The following AKAP10 variants were observed in gnomAD, a reference collection of about 807,000 sequenced individuals.
The protein encoded by AKAP10 is A-kinase anchor protein 10, mitochondrial.
In AKAP10, 24 loss-of-function variants were observed where a neutral mutation model predicts 80.8. The ratio of observed to expected loss-of-function variants is 0.30; its 90% CI spans 0.22 to 0.42. The LOEUF (loss-of-function observed/expected upper bound fraction) is 0.42, where lower values mean the gene tolerates loss of function less well. AKAP10 is among the 10% of genes least tolerant of loss of function. AKAP10 has a pLI of 1.00. For synonymous variants in AKAP10, 291 were observed against 277.7 expected (o/e 1.05, Z -0.48); for missense variants, 661 against 794.9 (o/e 0.83, Z 2.03).
At chr17:19,922,714 C>T (rs565976392) in intron 11 of AKAP10, among the ~76,000 whole-genome samples, 2 of 152,224 alleles carry the variant, frequency 1.3e-5, no homozygotes, top group South Asian at 2.1e-4. Flanking sequence ...TCCTGGCTAA[C>T]ACGGTGAAAC....
intron 4 of AKAP10, 110 bp downstream of exon 4, chr17:19,957,904 A>T: frequency 8.4e-7 from 1 of 1,183,508 alleles, no homozygotes; most frequent in Non-Finnish European, 1.2e-6. Flanking sequence ...AAGTAGTTAG[A>T]GGAGAAAAAA....
intron 4 of AKAP10, among the ~76,000 whole-genome samples, chr17:19,957,716 G>A (rs892747807): frequency 1.3e-5 from 2 of 152,132 alleles, no homozygotes; most frequent in East Asian, 3.8e-4. Flanking sequence ...ACCGAGGGAG[G>A]AAATAAGGCT....
In AKAP10 at chr17:19,919,994, T is replaced by C. The variant is rs774891866; in HGVS notation, c.1834+42A>G. On this transcript the variant is annotated intron_variant, in intron 12 of 14. Coordinates refer to ENST00000225737, the MANE Select transcript of AKAP10 (RefSeq NM_007202.4). ...TCTTTGACTTACAGTCAATCACTAA[T>C]GTGAGTAAAGGCTTAATATGAAGTA... 2.0e-6 allele frequency: 3 copies of C among 1,509,524 alleles called. No individual in the cohort carries two copies. In the Admixed American group the frequency reaches 5.2e-5, roughly 26 times the overall value. 93.5% of individuals were successfully genotyped at this position (1,509,524 alleles called of 1,614,324 possible). A position where few individuals can be genotyped will look rare whatever the true frequency, so the allele number is the denominator to read the frequency against.
chr17:19,931,451 C>T (rs560253905), intron 10 of AKAP10, among the ~76,000 whole-genome samples: 26 of 148,032 alleles, frequency 1.8e-4, no homozygotes, highest in Non-Finnish European at 2.8e-4. Flanking sequence ...AGTGCAGTGG[C>T]GTGATTTTGG....
At chr17:19,924,547 T>C (rs2042854844) in intron 10 of AKAP10, 30 bp from the exon 11 acceptor site, 2 of 1,462,728 alleles carry the variant, frequency 1.4e-6, no homozygotes, top group East Asian at 2.3e-5. Flanking sequence ...ATTAGAAGTA[T>C]ATGAAACAAT....
intron 12 of AKAP10, among the ~76,000 whole-genome samples, chr17:19,917,899 C>T (rs1214987072): frequency 6.7e-6 from 1 of 149,596 alleles, no homozygotes; most frequent in Non-Finnish European, 1.5e-5. Flanking sequence ...TAGACTCTGT[C>T]CCCCTCCCAC....
At chr17:19,931,261 G>A (rs950422761) in intron 10 of AKAP10, among the ~76,000 whole-genome samples, 2 of 152,092 alleles carry the variant, frequency 1.3e-5, no homozygotes, top group African/African-American at 4.8e-5. Context: ...GATTTATTAA[G>A]AGAAACAGCC....
rs1347379392 is a variant in AKAP10, at chr17:19,939,832, A to C, written c.1203T>G (p.Asp401Glu). The C allele has an allele frequency of 6.2e-7, 1 of 1,613,656 alleles. No individual in the cohort carries two copies. The highest frequency in any genetic ancestry group is 1.3e-5 in the African/African-American group (1 of 74,916). Residue 401 changes from aspartate (D) to glutamate (E), a missense_variant, in exon 8 of 15, where the codon GAT (aspartate) becomes GAG (glutamate). Physicochemically the swap from Asp to Glu is conservative, Grantham distance 45 (BLOSUM62 2). Coordinates refer to ENST00000225737, the MANE Select transcript of AKAP10 (RefSeq NM_007202.4). ...ACCAGAATTGTAAGATATTCACTGC[A>C]TCCTCTTTTTCCATGTACTAGGAAG... is the stretch of plus-strand genomic sequence containing the variant. ...FYFSEYMEKE[D>E]AVNILQFWLA...
At chr17:19,966,837 G>A (rs144136003) in intron 2 of AKAP10, among the ~76,000 whole-genome samples, 30 of 152,206 alleles carry the variant, frequency 2.0e-4, no homozygotes, top group African/African-American at 7.2e-4. Context: ...ACTACAGTCA[G>A]ATCTAGTCTT....
At chr17:19,934,643 T>G (rs761034960) in intron 9 of AKAP10, among the ~76,000 whole-genome samples, 2 of 152,236 alleles carry the variant, frequency 1.3e-5, no homozygotes. Context: ...ATTACCTTAC[T>G]TTAATCATCA....
chr17:19,931,790 G>C lies in AKAP10; in HGVS notation c.1641+15C>G. 1 of 1,603,686 alleles carries C rather than the reference G, an allele frequency of 6.2e-7. No homozygotes were observed. Among genetic ancestry groups the C allele is most frequent in the South Asian group, 1.1e-5 (1 of 89,224 alleles). On this transcript the variant is annotated intron_variant, in intron 10 of 14. Transcript: ENST00000225737. ...TATGCTTTTCTCCCTAATGGCAGAC[G>C]CAATCAGTCAATACCTGAGACGCAG...
At chr17:19,947,260 C>T (rs973600221) in intron 5 of AKAP10, 147 bp downstream of exon 5, 8 of 658,954 alleles carry the variant, frequency 1.2e-5, no homozygotes, top group Admixed American at 2.8e-5. Context: ...AGCTATAATC[C>T]GATATAAAAA....
chr17:19,915,961 G>GC (rs1273230700), intron 12 of AKAP10, among the ~76,000 whole-genome samples: 4 of 152,132 alleles, frequency 2.6e-5, no homozygotes, highest in African/African-American at 9.7e-5. Flanking sequence ...TCAAGTCCTT[G>GC]CCATGGTCTC....
At chr17:19,964,358 T>C (rs2043390008) in intron 2 of AKAP10, among the ~76,000 whole-genome samples, 1 of 152,214 alleles carries the variant, frequency 6.6e-6, no homozygotes, top group African/African-American at 2.4e-5. Context: ...CTCCATGGTA[T>C]TATACTCTCC....
Position 19,936,349 on chromosome 17 carries a change from T to C in AKAP10, c.1404A>G (p.Glu468=). The C allele has an allele frequency of 6.2e-7, 1 of 1,613,836 alleles. No homozygotes were observed. The highest frequency in any genetic ancestry group is 8.5e-7 in the Non-Finnish European group (1 of 1,179,814). ...TGAAACAGTTGGGGAGTGGCCCACC[T>C]TCCCTGCAGATATTGGATTCAATTT... ...RLEIESNICR[E]GGPLPNCFTT... Residue 468 remains glutamate (E), a synonymous_variant, in exon 9 of 15, where the codon GAA becomes GAG. Coordinates refer to ENST00000225737, the MANE Select transcript of AKAP10 (RefSeq NM_007202.4).
At chr17:19,934,197 A>G (rs1242049763) in intron 9 of AKAP10, among the ~76,000 whole-genome samples, 1 of 152,204 alleles carries the variant, frequency 6.6e-6, no homozygotes, top group Non-Finnish European at 1.5e-5. Flanking sequence ...CTGGGATTAC[A>G]GATGTGAGTC....
At chr17:19,947,263 T>C (rs2152415801) in intron 5 of AKAP10, 144 bp downstream of exon 5, 1 of 667,442 alleles carries the variant, frequency 1.5e-6, no homozygotes, top group African/African-American at 1.8e-5. Context: ...TATAATCCGA[T>C]ATAAAAAATA....
At chr17:19,971,340 G>A (rs1285778198) in intron 1 of AKAP10, among the ~76,000 whole-genome samples, 1 of 151,056 alleles carries the variant, frequency 6.6e-6, no homozygotes, top group Non-Finnish European at 1.5e-5. Flanking sequence ...GAAACCCTGT[G>A]GCCACTAAAA....
chr17:19,943,875 T>C (rs1310236022), intron 5 of AKAP10, among the ~76,000 whole-genome samples: 1 of 152,166 alleles, frequency 6.6e-6, no homozygotes, highest in Non-Finnish European at 1.5e-5. Context: ...GGACACCCAG[T>C]TGGTGTTCAC....
Sources: gnomAD v4.1 joint callset for allele counts (sites outside exome capture counted in the v4.1 genomes callset) on GRCh38, gnomAD v4.1.1 for gene constraint, MANE v1.5 for transcripts, NCBI Gene and HGNC (gene_info 2026-07-23, HGNC 2026-07-21) for gene names.